The following MADD variants were observed in gnomAD, a reference collection of about 807,000 sequenced individuals.
MADD encodes the protein MAP kinase activating death domain, also known as MAP kinase-activating death domain protein.
A neutral mutation model predicts 176.7 loss-of-function variants in MADD; 109 were observed. The ratio of observed to expected loss-of-function variants is 0.62; its 90% confidence interval spans 0.53 to 0.72. The LOEUF is 0.72. Among genes scored for constraint, MADD ranks in the 30% least tolerant of loss-of-function variants. The pLI, the probability that MADD is intolerant of heterozygous loss-of-function variation, is 0.00. For synonymous variants in MADD, 771 were observed against 771.3 expected (o/e 1.00, Z 0.01); for missense variants, 1,914 against 2,045.5 (o/e 0.94, Z 1.24).
At position 47,325,455 on chromosome 11, in the gene MADD, C is replaced by T. The variant is rs781737976; in HGVS notation, c.4542+878C>T. On this transcript the variant is annotated intron_variant, in intron 30 of 32. Transcript: ENST00000402192. The surrounding 1 kb of genome is among the most constrained non-coding windows in gnomAD (Gnocchi z 4.5). The stretch of plus-strand genomic sequence containing the variant: ...GAAGCCCCACAGACCCTGGCCAGGC[C>T]GCAGACCCTCAGGGGAGGTGGATGC... Among the ~76,000 whole-genome samples, 2 of 152,174 alleles carry T rather than the reference C, an allele frequency of 1.3e-5. No homozygotes were observed. The highest frequency in any genetic ancestry group is 2.9e-5 in the Non-Finnish European group (2 of 68,042).
Position 47,290,512 on chromosome 11 carries a change from C to T in MADD, c.3095-98C>T, listed in dbSNP as rs780724400. 9.0e-6 allele frequency: 12 copies of T among 1,335,186 alleles called. No homozygotes were observed. The African/African-American group carries it at 1.8e-4, about 20-fold the overall frequency. The allele number at this position is 1,335,186 out of a possible 1,614,324, so 82.7% of individuals were successfully genotyped here. ...AGCTCATCTTTCCTTGAACTTCTTC[C>T]ATTCCGCACCCTCCTGTATCCTGGC... On this transcript the variant is annotated intron_variant, in intron 18 of 32. Transcript: ENST00000402192.
chr11:47,296,698 A>T (rs1206812160), intron 22 of MADD, among the ~76,000 whole-genome samples: 1 of 151,946 alleles, frequency 6.6e-6, no homozygotes, highest in Non-Finnish European at 1.5e-5. Context: ...TCACACAGTA[A>T]GCCCATGATC....
intron 5 of MADD, among the ~76,000 whole-genome samples, chr11:47,277,218 A>G (rs1299436050): frequency 1.3e-5 from 2 of 152,166 alleles, no homozygotes; most frequent in Non-Finnish European, 2.9e-5. Flanking sequence ...GTTTTTTTCT[A>G]TACATATATA....
In MADD at chr11:47,272,221, A is replaced by G. The variant is rs189409870; in HGVS notation, c.-88-1606A>G. On this transcript the variant is annotated intron_variant, in intron 1 of 32. Transcript: ENST00000402192. Reference sequence around the variant, plus strand: ...GGGAGGGGCTGTGGCTCTGCTATAAATAGTGCTGGGAGCCAGAGTCGCTAT... The same window carrying G: ...GGGAGGGGCTGTGGCTCTGCTATAAGTAGTGCTGGGAGCCAGAGTCGCTAT... 3.7e-3 allele frequency: 570 copies of G among 152,314 alleles called. 1 individual carries two copies. Among genetic ancestry groups the G allele is most frequent in the Admixed American group, 6.3e-3 (96 of 15,282 alleles). The allele number at this position is 152,314 out of a possible 1,614,324, so 9.4% of individuals were successfully genotyped here.
At chr11:47,296,095 A>G (rs2071416831) in intron 22 of MADD, 40 bp downstream of exon 24, 2 of 1,599,214 alleles carry the variant, frequency 1.3e-6, no homozygotes, top group Middle Eastern at 1.7e-4. Context: ...CATTTCTTTA[A>G]TGGGGGAGGG....
chr11:47,323,330 C>T (rs181793186), intron 27 of MADD, among the ~76,000 whole-genome samples: 31 of 150,518 alleles, frequency 2.1e-4, no homozygotes, highest in Admixed American at 2.1e-3. Context: ...CCTGGCTGGT[C>T]GAGGCTGCAG....
intron 26 of MADD, among the ~76,000 whole-genome samples, chr11:47,313,281 G>A (rs866166232): frequency 5.3e-4 from 80 of 152,148 alleles, no homozygotes; most frequent in African/African-American, 1.9e-3. Flanking sequence ...TGGAAGAGCT[G>A]TGTAACTCAG....
intron 27 of MADD, among the ~76,000 whole-genome samples, chr11:47,317,962 G>T (rs1472165798): frequency 6.6e-6 from 1 of 151,956 alleles, no homozygotes; most frequent in African/African-American, 2.4e-5. Context: ...TAGAGATGGG[G>T]TTTTACCATG....
At chr11:47,274,923 C>T (rs980816043) in exon 3 of MADD, 3 of 1,613,712 alleles carry the variant, frequency 1.9e-6, no homozygotes, top group African/African-American at 2.7e-5. Context: ...GTGGCTCATC[C>T]CTGCAGCCTC....
exon 25 of MADD, chr11:47,309,590 TCTC>T: frequency 6.2e-7 from 1 of 1,613,938 alleles, no homozygotes; most frequent in Non-Finnish European, 8.5e-7. Flanking sequence ...CACAACCTCA[TCTC>T]CTACATGCTG....
rs370058419 is a variant in MADD at position 47,328,726 on chromosome 11, G to C, written c.4659+22G>C. The C allele has an allele frequency of 9.9e-5, 160 of 1,614,010 alleles. 1 individual carries two copies. Among genetic ancestry groups the C allele is most frequent in the South Asian group, 5.5e-5 (5 of 91,060 alleles). On this transcript the variant is annotated intron_variant, in intron 32 of 32. Transcript: ENST00000402192. ...AATGGTGAGTGTGCCGCTCAACCCT[G>C]ATGGGCCACGGTGCGCAGGGCTCCC...
At chr11:47,281,792 T>C in intron 8 of MADD, 39 bp downstream of exon 8, 1 of 1,504,224 alleles carries the variant, frequency 6.6e-7, no homozygotes, top group Non-Finnish European at 9.0e-7. Flanking sequence ...AGTTCTTAAA[T>C]TAATTTCTTT....
At chr11:47,310,105 G>A (rs1024763584) in intron 25 of MADD, among the ~76,000 whole-genome samples, 1 of 151,838 alleles carries the variant, frequency 6.6e-6, no homozygotes, top group Non-Finnish European at 1.5e-5. Flanking sequence ...GCCTCCCAAA[G>A]CGCTGGGATT....
chr11:47,280,823 TCCCAAAGTA>T (rs1182542472), intron 7 of MADD, among the ~76,000 whole-genome samples: 1 of 152,218 alleles, frequency 6.6e-6, no homozygotes, highest in East Asian at 1.9e-4. Flanking sequence ...TGCCTTGGCC[TCCCAAAGTA>T]TTGGGATTAC....
Position 47,312,160 on chromosome 11 carries a change from C to G in MADD, c.4089+318C>G, listed in dbSNP as rs2089907537. ...GCAGTGATGGGTAAAACTGCTGGCA[C>G]TGTAACCCAAGTGAAGACAATGGCC... On this transcript the variant is annotated intron_variant, in intron 26 of 32. Transcript: ENST00000402192. Among the ~76,000 whole-genome samples, 3 of 152,246 alleles carry G rather than the reference C, an allele frequency of 2.0e-5. No individual in the cohort carries two copies. In the South Asian group the frequency reaches 6.2e-4, roughly 32 times the overall value.
intron 1 of MADD, among the ~76,000 whole-genome samples, chr11:47,271,700 C>T (rs963453743): frequency 6.6e-6 from 1 of 151,938 alleles, no homozygotes; most frequent in African/African-American, 2.4e-5. Flanking sequence ...GATACTTTGG[C>T]TCTCACTCTA....
At chr11:47,276,149 C>G in exon 4 of MADD, 1 of 1,614,190 alleles carries the variant, frequency 6.2e-7, no homozygotes, top group Non-Finnish European at 8.5e-7. Flanking sequence ...CTTGGAACTT[C>G]TAGGTGTGGA....
chr11:47,275,251 C>T (rs1346339675), intron 3 of MADD, 92 bp downstream of exon 3: 1 of 1,080,252 alleles, frequency 9.3e-7, no homozygotes, highest in Non-Finnish European at 1.3e-6. Context: ...CTCTACAGCT[C>T]AAGGTCCTTC....
At position 47,278,312 on chromosome 11, in the gene MADD, G is replaced by A. The variant is rs766992471; in HGVS notation, c.1209+34G>A. 2.0e-6 allele frequency: 3 copies of A among 1,474,970 alleles called. No homozygotes were observed. In the South Asian group the frequency reaches 3.4e-5, roughly 17 times the overall value. 91.4% of individuals were successfully genotyped at this position (1,474,970 alleles called of 1,614,324 possible). On this transcript the variant is annotated intron_variant, in intron 6 of 32. Coordinates refer to ENST00000402192, the Ensembl canonical transcript of MADD. The stretch of plus-strand genomic sequence containing the variant: ...CTTGGCTGAGGCATTGTAGAGTCTA[G>A]AGGAGGATTGCATTCTAGACCCAGT...
Sources: gnomAD v4.1 joint callset for allele counts (sites outside exome capture counted in the v4.1 genomes callset) on GRCh38, gnomAD v4.1.1 for gene constraint, Gnocchi (gnomAD v3.1) non-coding constraint, MANE v1.5 for transcripts, NCBI Gene and HGNC (gene_info 2026-07-23, HGNC 2026-07-21) for gene names.